The following SEMA6D variants were observed in gnomAD, a reference collection of about 807,000 sequenced individuals.
The protein encoded by SEMA6D is semaphorin-6D.
SEMA6D carries 35 observed loss-of-function variants against 106.6 expected under a neutral mutation model. That is an observed-to-expected ratio of 0.33 (90% CI 0.25 to 0.44). The LOEUF is 0.44. SEMA6D is among the 20% of genes least tolerant of loss of function. The pLI is 1.00. For synonymous variants in SEMA6D, 499 were observed against 487.7 expected (o/e 1.02, Z -0.31); for missense variants, 1,185 against 1,345.9 (o/e 0.88, Z 1.87).
At chr15:47,357,923 G>T (rs959093617) in intron 1 of SEMA6D, among the ~76,000 whole-genome samples, 3 of 152,178 alleles carry the variant, frequency 2.0e-5, no homozygotes, top group African/African-American at 7.2e-5. Context: ...GGTGATTTTG[G>T]TGGGGAATTC....
rs750974050 is a variant in SEMA6D, at chr15:47,723,168, G to A, written c.-55+5476G>A. ...GTACTGAGTGAAATTATATGTACAC[G>A]GTGGATGTGCTCTTAAATTACCATC... On this transcript the variant is annotated intron_variant, in intron 1 of 18. Transcript: ENST00000536845. Among the ~76,000 whole-genome samples the A allele has an allele frequency of 4.6e-5, 7 of 152,092 alleles. No homozygotes were observed. In the East Asian group the frequency reaches 5.8e-4, roughly 13 times the overall value.
intron 1 of SEMA6D, among the ~76,000 whole-genome samples, chr15:47,726,279 TG>T (rs755684751): frequency 3.9e-5 from 6 of 152,272 alleles, no homozygotes; most frequent in African/African-American, 7.2e-5. Context: ...ACTCTACCTC[TG>T]GGAGTATAGG....
intron 1 of SEMA6D, among the ~76,000 whole-genome samples, chr15:47,199,551 G>A (rs1041185493): frequency 6.6e-6 from 1 of 152,122 alleles, no homozygotes; most frequent in African/African-American, 2.4e-5. Flanking sequence ...ATGGGTCCTT[G>A]TGTATGTGTG....
chr15:47,468,968 T>A (rs116065177), intron 2 of SEMA6D, among the ~76,000 whole-genome samples: 2 of 152,142 alleles, frequency 1.3e-5, no homozygotes, highest in Non-Finnish European at 2.9e-5. Flanking sequence ...TTCCTTTTCA[T>A]TGGCCCCTGA....
intron 3 of SEMA6D, among the ~76,000 whole-genome samples, chr15:47,556,980 T>G (rs1209663260): frequency 6.6e-6 from 1 of 152,154 alleles, no homozygotes; most frequent in Non-Finnish European, 1.5e-5. Flanking sequence ...ATCACTAAAA[T>G]GTACATAACA....
At chr15:47,466,920 G>A (rs1368415893) in intron 2 of SEMA6D, among the ~76,000 whole-genome samples, 1 of 149,514 alleles carries the variant, frequency 6.7e-6, no homozygotes, top group East Asian at 2.0e-4. Context: ...GCAGAAGTGA[G>A]GTTTCACCAT....
chr15:47,543,686 T>G (rs1364734839), intron 3 of SEMA6D, among the ~76,000 whole-genome samples: 1 of 152,124 alleles, frequency 6.6e-6, no homozygotes, highest in Non-Finnish European at 1.5e-5. Context: ...AAATTATTTT[T>G]TTTCACTGAA....
intron 3 of SEMA6D, among the ~76,000 whole-genome samples, chr15:47,580,694 G>A (rs962889424): frequency 3.9e-5 from 6 of 152,172 alleles, no homozygotes; most frequent in African/African-American, 1.2e-4. Context: ...CCTAGGTGCT[G>A]GGAATATGGC....
At chr15:47,570,514 G>T (rs897522102) in intron 3 of SEMA6D, among the ~76,000 whole-genome samples, 1 of 152,192 alleles carries the variant, frequency 6.6e-6, no homozygotes, top group African/African-American at 2.4e-5. Flanking sequence ...GACTGAAAAA[G>T]AAGTAAAGTG....
At chr15:47,205,044 G>A (rs1403501646) in intron 1 of SEMA6D, among the ~76,000 whole-genome samples, 1 of 152,102 alleles carries the variant, frequency 6.6e-6, no homozygotes, top group Non-Finnish European at 1.5e-5. Flanking sequence ...GAGGACATAA[G>A]AACATCAAAA....
rs568868059 is a variant in SEMA6D at position 47,435,842 on chromosome 15, T to C, written c.-159+23370T>C. Reference sequence around the variant, plus strand: ...CTTAAAAATAAACAAAAAGATAGCATAGAAAGGACAAGTGCTTGTCAAATA... The same window carrying C: ...CTTAAAAATAAACAAAAAGATAGCACAGAAAGGACAAGTGCTTGTCAAATA... On this transcript the variant is annotated intron_variant, in intron 2 of 19. Coordinates refer to the SEMA6D transcript ENST00000558014. 2.6e-5 allele frequency among the ~76,000 whole-genome samples: 4 copies of C among 152,250 alleles called. No homozygotes were observed. The East Asian group carries it at 5.8e-4, about 22-fold the overall frequency.
intron 4 of SEMA6D, among the ~76,000 whole-genome samples, chr15:47,610,998 A>T (rs370690335): frequency 7.3e-4 from 111 of 152,370 alleles, no homozygotes; most frequent in African/African-American, 2.6e-3. Flanking sequence ...CAAATGGCAC[A>T]CAAATGACTG....
At chr15:47,739,339 T>C (rs1012894535) in intron 1 of SEMA6D, among the ~76,000 whole-genome samples, 3 of 152,120 alleles carry the variant, frequency 2.0e-5, no homozygotes, top group African/African-American at 7.2e-5. Context: ...CAGGGATGGG[T>C]TCTCCGTTAA....
At chr15:47,498,464 G>C (rs2043743212) in intron 3 of SEMA6D, among the ~76,000 whole-genome samples, 1 of 152,040 alleles carries the variant, frequency 6.6e-6, no homozygotes, top group Admixed American at 6.6e-5. Flanking sequence ...AGATATATTT[G>C]AATGGGAAAG....
intron 4 of SEMA6D, among the ~76,000 whole-genome samples, chr15:47,689,376 A>G (rs2078536230): frequency 6.6e-6 from 1 of 152,246 alleles, no homozygotes; most frequent in Admixed American, 6.5e-5. Context: ...GTAAAAGCTG[A>G]TTGGCTCTTT....
At chr15:47,389,038 C>T (rs779473349) in intron 1 of SEMA6D, among the ~76,000 whole-genome samples, 2 of 152,066 alleles carry the variant, frequency 1.3e-5, no homozygotes, top group Non-Finnish European at 2.9e-5. Context: ...TCTGCGGGTC[C>T]AAATAAGGTA....
chr15:47,545,661 ATAGACTCAAAT>A (rs1384273980), intron 3 of SEMA6D, among the ~76,000 whole-genome samples: 1 of 152,162 alleles, frequency 6.6e-6, no homozygotes. Flanking sequence ...GGTTTTTAAT[ATAGACTCAAAT>A]TAAACTCAAA....
intron 1 of SEMA6D, among the ~76,000 whole-genome samples, chr15:47,286,594 T>C (rs761431052): frequency 6.6e-5 from 10 of 152,150 alleles, no homozygotes; most frequent in African/African-American, 9.7e-5. Flanking sequence ...TAGATTCTAA[T>C]ATCTTCCTCT....
At chr15:47,352,250 CCAAA>C (rs1177357518) in intron 1 of SEMA6D, among the ~76,000 whole-genome samples, 5 of 152,000 alleles carry the variant, frequency 3.3e-5, no homozygotes, top group Non-Finnish European at 5.9e-5. Context: ...TTATAGTGTA[CCAAA>C]CAGTTGAATA....
Sources: allele counts gnomAD v4.1 joint callset (sites outside exome capture counted in the v4.1 genomes callset), GRCh38; gene constraint gnomAD v4.1.1; transcripts MANE v1.5; gene names NCBI Gene and HGNC (gene_info 2026-07-23, HGNC 2026-07-21).